FOXN4: variants seen among roughly 807,000 people sequenced by gnomAD.
The protein encoded by FOXN4 is forkhead box N4.
FOXN4 carries 12 observed loss-of-function variants against 45.0 expected under a neutral mutation model. The observed-to-expected ratio is 0.27, with a 90% confidence interval of 0.17 to 0.43. FOXN4 has a LOEUF of 0.43. FOXN4 is among the 20% of genes least tolerant of loss of function. The pLI, the probability that FOXN4 is intolerant of heterozygous loss-of-function variation, is 1.00. For synonymous variants in FOXN4, 297 were observed against 295.0 expected (o/e 1.01, Z -0.07); for missense variants, 560 against 694.9 (o/e 0.81, Z 2.18).
intron 2 of FOXN4, among the ~76,000 whole-genome samples, chr12:109,302,038 C>T (rs897604897): frequency 2.6e-5 from 4 of 152,362 alleles, no homozygotes; most frequent in South Asian, 2.1e-4. Flanking sequence ...AGTATCTACA[C>T]GTAGCACAGA....
rs773896393 is a variant in FOXN4, at chr12:109,281,434, G to C, written c.1267C>G (p.Pro423Ala). The part of the protein sequence containing the change: ...DMNTEVDALD[P>A]SIMDFALQGN... ...TGCAGAGCGAAGTCCATGATGCTCGGGTCGAGGGCATCCACCTCAGTGTTC... is the reference window on the plus strand; with the variant it reads ...TGCAGAGCGAAGTCCATGATGCTCGCGTCGAGGGCATCCACCTCAGTGTTC... Residue 423 changes from proline to alanine, a missense_variant, in exon 9 of 10, where the codon CCG becomes GCG. Coordinates refer to ENST00000299162, the MANE Select transcript of FOXN4 (RefSeq NM_213596.3). The C allele has an allele frequency of 6.2e-7, 1 of 1,613,984 alleles. No individual in the cohort carries two copies. Among genetic ancestry groups the C allele is most frequent in the Non-Finnish European group, 8.5e-7 (1 of 1,179,890 alleles).
At chr12:109,293,601 G>A (rs755358216) in intron 2 of FOXN4, among the ~76,000 whole-genome samples, 8 of 152,160 alleles carry the variant, frequency 5.3e-5, no homozygotes, top group Non-Finnish European at 8.8e-5. Context: ...GAGTTCAAGC[G>A]ATTCTCCTGC....
At chr12:109,284,425 C>T (rs1001679047) in intron 8 of FOXN4, among the ~76,000 whole-genome samples, 7 of 150,562 alleles carry the variant, frequency 4.6e-5, no homozygotes, top group East Asian at 2.0e-4. Flanking sequence ...AGGAGGGGCG[C>T]GTGGTGTGTG....
chr12:109,281,613 T>C lies in FOXN4; in HGVS notation c.1088A>G (p.His363Arg). The C allele has an allele frequency of 6.2e-7, 1 of 1,608,696 alleles. No homozygotes were observed. Among genetic ancestry groups the C allele is most frequent in the Non-Finnish European group, 8.5e-7 (1 of 1,177,694 alleles). ...AAGATGTGCCTGGGGCTGGACCTGG[T>C]GGTGCAGGGGGACTGACTGCAGGGA... The part of the protein sequence containing the change: ...TLSLQSVPLH[H>R]QVQPQAHLAP... The change falls in exon 9 of 10, where the codon CAC (histidine) becomes CGC (arginine). Residue 363 changes from histidine (H) to arginine (R), a missense_variant. His to Arg is a conservative substitution (Grantham distance 29). Coordinates refer to ENST00000299162, the MANE Select transcript of FOXN4 (RefSeq NM_213596.3).
At position 109,288,145 on chromosome 12, in the gene FOXN4, C is replaced by T; in HGVS notation, c.268G>A (p.Ala90Thr). ...LAGVADLHVGATPSPLLHGPA... is the reference protein window; with the variant it reads ...LAGVADLHVGTTPSPLLHGPA... ...CCATGGAGAAGGGGACTTGGAGTGGCTCCCACATGCAGGTCGGCCACCCCA... is the reference window on the plus strand; with the variant it reads ...CCATGGAGAAGGGGACTTGGAGTGGTTCCCACATGCAGGTCGGCCACCCCA... The change falls in exon 4 of 10, where the codon GCC becomes ACC. Residue 90 changes from alanine to threonine, a missense_variant. Ala to Thr is a moderately conservative substitution (Grantham distance 58, BLOSUM62 0). Transcript: ENST00000299162. This position sits in a 1 kb window ranked among gnomAD's most constrained non-coding sequence, Gnocchi z 4.3. The T allele has an allele frequency of 1.9e-6, 3 of 1,547,426 alleles. No individual in the cohort carries two copies. Among genetic ancestry groups the T allele is most frequent in the Non-Finnish European group, 2.6e-6 (3 of 1,146,056 alleles).
At chr12:109,307,999 C>T (rs1477913099) in intron 2 of FOXN4, among the ~76,000 whole-genome samples, 3 of 152,054 alleles carry the variant, frequency 2.0e-5, no homozygotes, top group Non-Finnish European at 2.9e-5. Flanking sequence ...AATGCAGAAA[C>T]GGACCTCTTT....
At chr12:109,289,269 A>G (rs1313536399) in intron 3 of FOXN4, among the ~76,000 whole-genome samples, 2 of 152,216 alleles carry the variant, frequency 1.3e-5, no homozygotes, top group Non-Finnish European at 2.9e-5. Flanking sequence ...TTGTAAATAA[A>G]GTTTTATTGG....
chr12:109,288,258 G>C lies in FOXN4; in HGVS notation c.233-78C>G, dbSNP rs1313559347. On this transcript the variant is annotated intron_variant, in intron 3 of 9. Coordinates refer to ENST00000299162, the MANE Select transcript of FOXN4 (RefSeq NM_213596.3). The surrounding 1 kb of genome is among the most constrained non-coding windows in gnomAD (Gnocchi z 4.3). ...ACCAGGAACAGCCCAGTGCCCAGGT[G>C]TCTCCGGAGAACGGAGCCAGCCCCT... is the stretch of plus-strand genomic sequence containing the variant. 6.7e-7 allele frequency: 1 copy of C among 1,500,154 alleles called. No individual in the cohort carries two copies. The allele number at this position is 1,500,154 out of a possible 1,614,324, so 92.9% of individuals were successfully genotyped here. A position where few individuals can be genotyped will look rare whatever the true frequency, so the allele number is the denominator to read the frequency against.
At chr12:109,280,077 T>G in intron 9 of FOXN4, 147 bp from the exon 10 acceptor site, 5 of 1,160,784 alleles carry the variant, frequency 4.3e-6, no homozygotes, top group Non-Finnish European at 6.0e-6. Context: ...GCCTGGTGGC[T>G]CAAGCCTGTA....
At chr12:109,292,964 C>G (rs369263333) in intron 2 of FOXN4, among the ~76,000 whole-genome samples, 1 of 152,292 alleles carries the variant, frequency 6.6e-6, no homozygotes, top group South Asian at 2.1e-4. Flanking sequence ...TCCTGCTACT[C>G]GTGAGCCCCT....
chr12:109,299,177 C>T (rs1438269690), intron 2 of FOXN4, among the ~76,000 whole-genome samples: 3 of 152,146 alleles, frequency 2.0e-5, no homozygotes, highest in Non-Finnish European at 2.9e-5. Flanking sequence ...AAAGACCTAT[C>T]TGGTGCTCCA....
At chr12:109,289,205 G>A (rs1276952150) in intron 3 of FOXN4, among the ~76,000 whole-genome samples, 1 of 152,236 alleles carries the variant, frequency 6.6e-6, no homozygotes, top group Non-Finnish European at 1.5e-5. Flanking sequence ...TCACACAGCT[G>A]TTCCCTGGGC....
In FOXN4 at chr12:109,287,307, A is replaced by C; in HGVS notation, c.596+90T>G. 1 of 1,497,978 alleles carries C rather than the reference A, an allele frequency of 6.7e-7. No individual in the cohort carries two copies. The highest frequency in any genetic ancestry group is 9.0e-7 in the Non-Finnish European group (1 of 1,109,382). 92.8% of individuals were successfully genotyped at this position (1,497,978 alleles called of 1,614,324 possible). A position where few individuals can be genotyped will look rare whatever the true frequency, so the allele number is the denominator to read the frequency against. Reference sequence around the variant, plus strand: ...CTCCCCCTTGGAAGTCTGGGCTGCCACACTAGCTGTCTGAGATGCCCTGAG... The same window carrying C: ...CTCCCCCTTGGAAGTCTGGGCTGCCCCACTAGCTGTCTGAGATGCCCTGAG... On this transcript the variant is annotated intron_variant, in intron 6 of 9. Coordinates refer to ENST00000299162, the MANE Select transcript of FOXN4 (RefSeq NM_213596.3). The surrounding 1 kb of genome is among the most constrained non-coding windows in gnomAD (Gnocchi z 4.1).
chr12:109,290,509 C>T lies in FOXN4; in HGVS notation c.87-223G>A, dbSNP rs974758111. On this transcript the variant is annotated intron_variant, in intron 2 of 9. Coordinates refer to ENST00000299162, the MANE Select transcript of FOXN4 (RefSeq NM_213596.3). The surrounding 1 kb of genome is among the most constrained non-coding windows in gnomAD (Gnocchi z 5.1). ...ATCATTCCTTCCTTAGCCCACTTAACGCATCCTACTTAGCACCTACCACAT... is the reference window on the plus strand; with the variant it reads ...ATCATTCCTTCCTTAGCCCACTTAATGCATCCTACTTAGCACCTACCACAT... Among the ~76,000 whole-genome samples, 9 of 152,206 alleles carry T rather than the reference C, an allele frequency of 5.9e-5. No homozygotes were observed. The South Asian group carries it at 6.2e-4, about 11-fold the overall frequency.
chr12:109,293,738 C>T (rs200362444), intron 2 of FOXN4, among the ~76,000 whole-genome samples: 2 of 152,176 alleles, frequency 1.3e-5, no homozygotes, highest in East Asian at 3.9e-4. Context: ...CCTTGTGATC[C>T]GCCCATCTTG....
rs546361273 is a variant in FOXN4, at chr12:109,287,691, T to G, written c.468+153A>C. On this transcript the variant is annotated intron_variant, in intron 5 of 9. Coordinates refer to ENST00000299162, the MANE Select transcript of FOXN4 (RefSeq NM_213596.3). This position sits in a 1 kb window ranked among gnomAD's most constrained non-coding sequence, Gnocchi z 4.1. The stretch of plus-strand genomic sequence containing the variant: ...TTGTCTCCACTCAGGGCAGGAGTTT[T>G]GGGGGAACGGAATGAATGACCCCAT... 2.0e-5 allele frequency among the ~76,000 whole-genome samples: 3 copies of G among 152,340 alleles called. No individual in the cohort carries two copies. The highest frequency in any genetic ancestry group is 7.2e-5 in the African/African-American group (3 of 41,580).
intron 2 of FOXN4, among the ~76,000 whole-genome samples, chr12:109,302,799 C>CGGAAA (rs1432246532): frequency 6.6e-6 from 1 of 152,164 alleles, no homozygotes; most frequent in Non-Finnish European, 1.5e-5. Flanking sequence ...GGCAACTCCG[C>CGGAAA]CCTGATTACA....
intron 2 of FOXN4, among the ~76,000 whole-genome samples, chr12:109,304,343 G>C (rs923915566): frequency 2.6e-5 from 4 of 152,052 alleles, no homozygotes; most frequent in Non-Finnish European, 5.9e-5. Context: ...ATAAAAAGAT[G>C]AAATGGGATG....
At chr12:109,281,285 T>C in intron 9 of FOXN4, 122 bp downstream of exon 9, 1 of 1,347,570 alleles carries the variant, frequency 7.4e-7, no homozygotes, top group Non-Finnish European at 1.0e-6. Context: ...GTAAAGGTTG[T>C]TGCTATGGGA....
Sources: gnomAD v4.1 joint callset for allele counts (sites outside exome capture counted in the v4.1 genomes callset) on GRCh38, gnomAD v4.1.1 for gene constraint, Gnocchi (gnomAD v3.1) non-coding constraint, MANE v1.5 for transcripts, NCBI Gene and HGNC (gene_info 2026-07-23, HGNC 2026-07-21) for gene names.